Variants in MIPOL1 observed in about 807,000 individuals in gnomAD.
The protein encoded by MIPOL1 is mirror-image polydactyly 1.
A neutral mutation model predicts 60.9 loss-of-function variants in MIPOL1; 57 were observed. The observed-to-expected ratio is 0.94, with a 90% CI of 0.76 to 1.17. The LOEUF (loss-of-function observed/expected upper bound fraction) is 1.17. MIPOL1 is among the 50% of genes most tolerant of loss of function. The pLI, the probability that MIPOL1 is intolerant of heterozygous loss-of-function variation, is 0.00. For missense variants in MIPOL1, 551 were observed against 511.6 expected (o/e 1.08, Z -0.74); for synonymous variants, 179 against 168.8 (o/e 1.06, Z -0.47).
intron 9 of MIPOL1, among the ~76,000 whole-genome samples, chr14:37,357,478 A>G (rs1428366153): frequency 3.3e-5 from 5 of 152,140 alleles, no homozygotes; most frequent in African/African-American, 1.2e-4. Flanking sequence ...ATCTAATTGT[A>G]GTTTTGATTT....
chr14:37,279,635 A>G (rs1489711036), intron 6 of MIPOL1, among the ~76,000 whole-genome samples: 1 of 152,030 alleles, frequency 6.6e-6, no homozygotes, highest in African/African-American at 2.4e-5. Flanking sequence ...TTTTTAATTG[A>G]CAAATAATAA....
intron 9 of MIPOL1, among the ~76,000 whole-genome samples, chr14:37,365,160 T>G (rs2092426621): frequency 6.6e-6 from 1 of 152,188 alleles, no homozygotes; most frequent in Non-Finnish European, 1.5e-5. Flanking sequence ...CAAACAAGGA[T>G]AATTTGACTT....
chr14:37,204,955 T>C (rs1173303091), intron 1 of MIPOL1, among the ~76,000 whole-genome samples: 1 of 152,130 alleles, frequency 6.6e-6, no homozygotes, highest in East Asian at 1.9e-4. Flanking sequence ...GACAATAAAA[T>C]CTAGGCTGAG....
chr14:37,314,102 G>A (rs191683579), intron 9 of MIPOL1, among the ~76,000 whole-genome samples: 3 of 151,982 alleles, frequency 2.0e-5, no homozygotes, highest in Admixed American at 2.0e-4. Context: ...TTTAATTTCT[G>A]TACTCGTTTC....
chr14:37,404,233 A>G (rs2093547105), intron 10 of MIPOL1, among the ~76,000 whole-genome samples: 1 of 152,136 alleles, frequency 6.6e-6, no homozygotes, highest in Non-Finnish European at 1.5e-5. Context: ...CTTTGTATAC[A>G]TGAAATGTTT....
intron 12 of MIPOL1, among the ~76,000 whole-genome samples, chr14:37,520,653 T>A (rs1218312857): frequency 2.6e-5 from 4 of 152,068 alleles, no homozygotes; most frequent in Admixed American, 1.3e-4. Flanking sequence ...TTTAAACATA[T>A]TTTTTTGCAT....
intron 11 of MIPOL1, among the ~76,000 whole-genome samples, chr14:37,480,475 A>G (rs2094845502): frequency 6.6e-6 from 1 of 152,128 alleles, no homozygotes; most frequent in African/African-American, 2.4e-5. Context: ...TAGATGCAGA[A>G]AAAAACATTT....
chr14:37,278,330 T>C (rs2083831357), intron 6 of MIPOL1: 1 of 151,682 alleles, frequency 6.6e-6, no homozygotes, highest in Admixed American at 6.6e-5. Context: ...ATATAATGTT[T>C]GTAGTTCTAG....
At chr14:37,257,640 A>G (rs1195949390) in intron 3 of MIPOL1, among the ~76,000 whole-genome samples, 1 of 152,154 alleles carries the variant, frequency 6.6e-6, no homozygotes, top group Non-Finnish European at 1.5e-5. Context: ...TGGTCCATCT[A>G]CCAACAGATT....
intron 12 of MIPOL1, among the ~76,000 whole-genome samples, chr14:37,521,239 A>AT (rs11410669): frequency 0.77 from 117,246 of 152,000 alleles, 45,745 homozygotes; most frequent in African/African-American, 0.89. Flanking sequence ...GCCCAGCCAC[A>AT]TTTACTTTTA....
chr14:37,431,775 C>T (rs1472942905), intron 11 of MIPOL1, among the ~76,000 whole-genome samples: 1 of 150,158 alleles, frequency 6.7e-6, no homozygotes, highest in East Asian at 2.0e-4. Flanking sequence ...TTAGTAGGAA[C>T]GGGGTTTCAC....
At chr14:37,496,026 T>G (rs1034250206) in intron 11 of MIPOL1, among the ~76,000 whole-genome samples, 2 of 151,708 alleles carry the variant, frequency 1.3e-5, no homozygotes, top group African/African-American at 4.8e-5. Context: ...TTCTGGATAT[T>G]AGCCCTTTGT....
chr14:37,378,531 GA>G (rs2092837404), intron 10 of MIPOL1, among the ~76,000 whole-genome samples: 1 of 151,838 alleles, frequency 6.6e-6, no homozygotes, highest in Non-Finnish European at 1.5e-5. Context: ...TATGACTATG[GA>G]AAGGTAACAA....
intron 7 of MIPOL1, among the ~76,000 whole-genome samples, chr14:37,307,743 TATA>T (rs1204286523): frequency 6.6e-6 from 1 of 152,002 alleles, no homozygotes; most frequent in Non-Finnish European, 1.5e-5. Flanking sequence ...CAGGAATAAA[TATA>T]ATGATGAGAA....
chr14:37,366,300 CT>C (rs1340954891), intron 9 of MIPOL1, among the ~76,000 whole-genome samples: 1 of 151,858 alleles, frequency 6.6e-6, no homozygotes, highest in Non-Finnish European at 1.5e-5. Context: ...CCGCTATAAA[CT>C]TCCCTCTTAG....
Position 37,524,559 on chromosome 14 carries a change from C to CTTTTTTTTTTTTTTTTTTTTTTTTTTTT in MIPOL1, c.1263-22341_1263-22340insTTTTTTTTTTTTTTTTTTTTTTTTTTTT, listed in dbSNP as rs1171387928. Among the ~76,000 whole-genome samples the CTTTTTTTTTTTTTTTTTTTTTTTTTTTT allele has an allele frequency of 1.1e-4, 2 of 18,500 alleles. 1 individual carries two copies. The allele number at this position is 18,500 out of a possible 152,430, so 12.1% of individuals were successfully genotyped here. On this transcript the variant is annotated intron_variant, in intron 12 of 12. Coordinates refer to ENST00000684589, the MANE Select transcript of MIPOL1 (RefSeq NM_001388067.1). ...TGTTCTTCTTGACATCTTAATTTTT[C>CTTTTTTTTTTTTTTTTTTTTTTTTTTTT]TTTTTCTTTTCTTTTTTTTTTTTTT...
intron 6 of MIPOL1, among the ~76,000 whole-genome samples, chr14:37,270,728 A>C (rs577673917): frequency 7.0e-6 from 1 of 143,486 alleles, no homozygotes; most frequent in Non-Finnish European, 1.5e-5. Context: ...ACCTGTATTC[A>C]TACTGATTTG....
chr14:37,295,064 G>A (rs1434770638), intron 7 of MIPOL1, among the ~76,000 whole-genome samples: 1 of 152,110 alleles, frequency 6.6e-6, no homozygotes, highest in Admixed American at 6.5e-5. Flanking sequence ...GAAAGGTTGG[G>A]TTACCCACAA....
At chr14:37,261,429 G>A (rs1330752158) in intron 3 of MIPOL1, among the ~76,000 whole-genome samples, 2 of 151,948 alleles carry the variant, frequency 1.3e-5, no homozygotes, top group Non-Finnish European at 2.9e-5. Context: ...TTTTAGCTGT[G>A]CAACTATATG....
Sources: allele counts gnomAD v4.1 joint callset (sites outside exome capture counted in the v4.1 genomes callset), GRCh38; gene constraint gnomAD v4.1.1; transcripts MANE v1.5; gene names NCBI Gene and HGNC (gene_info 2026-07-23, HGNC 2026-07-21).